TLN2: variants seen among roughly 807,000 people sequenced by gnomAD.
TLN2 encodes the protein talin 2, also known as talin-2.
Under a neutral mutation model 294.7 loss-of-function variants are expected in TLN2, and 118 were observed. The ratio of observed to expected loss-of-function variants is 0.40; its 90% CI spans 0.34 to 0.47. The LOEUF is 0.47. Among genes scored for constraint, TLN2 ranks in the 20% least tolerant of loss-of-function variants. The pLI is 0.84. For synonymous variants in TLN2, 1,431 were observed against 1,304.5 expected, an observed-to-expected ratio of 1.10 and a Z score of -2.09; for missense variants, 3,083 against 3,282.2, an observed-to-expected ratio of 0.94 and a Z score of 1.48.
intron 2 of TLN2, among the ~76,000 whole-genome samples, chr15:62,614,173 AAAC>A (rs2048132727): frequency 1.3e-5 from 2 of 152,190 alleles, no homozygotes; most frequent in African/African-American, 4.8e-5. Context: ...ACTGTACAAA[AAAC>A]CAATAGGTTT....
intron 44 of TLN2, among the ~76,000 whole-genome samples, chr15:62,781,927 A>C (rs1474270115): frequency 6.6e-6 from 1 of 152,238 alleles, no homozygotes; most frequent in Non-Finnish European, 1.5e-5. Flanking sequence ...ATGCTATCTG[A>C]TATGTTAAGC....
At chr15:62,500,725 G>T (rs1233497087) in intron 1 of TLN2, among the ~76,000 whole-genome samples, 1 of 152,214 alleles carries the variant, frequency 6.6e-6, no homozygotes, top group Non-Finnish European at 1.5e-5. Flanking sequence ...CTTGGAGTTG[G>T]GCACAATGTG....
chr15:62,560,637 T>A (rs192031969), intron 1 of TLN2, among the ~76,000 whole-genome samples: 25 of 152,288 alleles, frequency 1.6e-4, no homozygotes, highest in Admixed American at 9.1e-4. Context: ...ATACCCCATG[T>A]TTTGATGTGA....
At chr15:62,770,887 G>A (rs2063312116) in intron 41 of TLN2, 77 bp from the exon 42 acceptor site, 22 of 1,521,502 alleles carry the variant, frequency 1.4e-5, no homozygotes, top group Admixed American at 5.9e-5. Flanking sequence ...CCCCTCCCGC[G>A]CCTGACTGTG....
At position 62,529,989 on chromosome 15, in the gene TLN2, C is replaced by T. The variant is rs190955429; in HGVS notation, c.-237-59698C>T. On this transcript the variant is annotated intron_variant, in intron 1 of 58. Transcript: ENST00000636159. Reference sequence around the variant, plus strand: ...GGCGGATCACCTGAGGTCAGGAGTTCGAGACCAGCCTGACCAACTGGTGAA... The same window carrying T: ...GGCGGATCACCTGAGGTCAGGAGTTTGAGACCAGCCTGACCAACTGGTGAA... Among the ~76,000 whole-genome samples the T allele has an allele frequency of 1.0e-3, 157 of 152,188 alleles. 1 individual carries two copies. The highest frequency in any genetic ancestry group is 1.4e-3 in the Non-Finnish European group (97 of 68,016).
chr15:62,612,259 G>C (rs2047980017), intron 2 of TLN2, among the ~76,000 whole-genome samples: 1 of 152,144 alleles, frequency 6.6e-6, no homozygotes, highest in Non-Finnish European at 1.5e-5. Context: ...TGCTGGGGAG[G>C]TGCCGATTAT....
intron 3 of TLN2, among the ~76,000 whole-genome samples, chr15:62,642,859 G>A (rs888485053): frequency 1.4e-4 from 21 of 151,842 alleles, no homozygotes; most frequent in Middle Eastern, 3.2e-3. Flanking sequence ...CCACCACCAC[G>A]CCCAGCTAAT....
intron 2 of TLN2, among the ~76,000 whole-genome samples, chr15:62,596,536 G>A (rs373163093): frequency 2.0e-5 from 3 of 152,040 alleles, no homozygotes; most frequent in East Asian, 1.9e-4. Context: ...TCAGGAGTTC[G>A]AGACCAGCCT....
intron 39 of TLN2, among the ~76,000 whole-genome samples, chr15:62,762,942 G>A (rs1230505997): frequency 2.6e-5 from 4 of 152,196 alleles, no homozygotes; most frequent in South Asian, 2.1e-4. Flanking sequence ...TGACCTTGTC[G>A]ATAGTGGGAG....
chr15:62,825,833 TATAATATATATAA>T (rs2068101810), intron 54 of TLN2, among the ~76,000 whole-genome samples: 1 of 7,616 alleles, frequency 1.3e-4, no homozygotes, highest in African/African-American at 1.7e-4. Context: ...TATTATAATA[TATAATATATATAA>T]ATATATTATA....
intron 1 of TLN2, among the ~76,000 whole-genome samples, chr15:62,542,873 C>G (rs958674049): frequency 6.6e-6 from 1 of 151,864 alleles, no homozygotes; most frequent in Non-Finnish European, 1.5e-5. Flanking sequence ...CAACTTTGAC[C>G]CAGGATTACA....
intron 3 of TLN2, chr15:62,644,682 C>T: frequency 2.3e-6 from 1 of 431,096 alleles, no homozygotes; most frequent in Non-Finnish European, 4.6e-6. Context: ...TGCAGGGCTC[C>T]CTCCTTTGAT....
In TLN2 at chr15:62,686,703, G is replaced by T; in HGVS notation, c.1020G>T (p.Val340=). 6.2e-7 allele frequency: 1 copy of T among 1,614,070 alleles called. No homozygotes were observed. Among genetic ancestry groups the T allele is most frequent in the South Asian group, 1.1e-5 (1 of 91,066 alleles). The change falls in exon 12 of 59, where the codon GTG becomes GTT. Residue 340 remains valine (V), a synonymous_variant. Transcript: ENST00000636159. ...TGCTGGGGATCACCAAAGACTCGGT[G>T]ATGCGCGTGGATGAGAAGACCAAGG... ...PRLLGITKDS[V]MRVDEKTKEV... is the part of the protein sequence containing the mutation.
chr15:62,620,411 C>T (rs2048693384), intron 3 of TLN2, among the ~76,000 whole-genome samples: 1 of 152,100 alleles, frequency 6.6e-6, no homozygotes, highest in African/African-American at 2.4e-5. Context: ...AATGGCCTGC[C>T]TACTGCTTTT....
At position 62,582,239 on chromosome 15, in the gene TLN2, CA is replaced by C. The variant is rs1567138830; in HGVS notation, c.-237-7447del. Among the ~76,000 whole-genome samples, 364 of 147,526 alleles carry C rather than the reference CA, an allele frequency of 2.5e-3. 9 individuals carry two copies. The highest frequency in any genetic ancestry group is 7.8e-3 in the African/African-American group (311 of 39,948). ...ACACACACACACACACACACACACA[CA>C]CACACACATTCATGCCTGACCCATT... On this transcript the variant is annotated intron_variant, in intron 1 of 58. Coordinates refer to ENST00000636159, the MANE Select transcript of TLN2 (RefSeq NM_015059.3).
At chr15:62,562,949 CA>C (rs2043092883) in intron 1 of TLN2, among the ~76,000 whole-genome samples, 2 of 146,110 alleles carry the variant, frequency 1.4e-5, no homozygotes, top group African/African-American at 5.0e-5. Flanking sequence ...CACACACACA[CA>C]CACACACACA....
At position 62,536,316 on chromosome 15, in the gene TLN2, A is replaced by G. The variant is rs142626857; in HGVS notation, c.-237-53371A>G. Among the ~76,000 whole-genome samples, 377 of 152,268 alleles carry G rather than the reference A, an allele frequency of 2.5e-3. 4 individuals are homozygous for G. Among genetic ancestry groups the G allele is most frequent in the African/African-American group, 8.6e-3 (358 of 41,564 alleles). On this transcript the variant is annotated intron_variant, in intron 1 of 58. Transcript: ENST00000636159. ...GAGAAGGATTCTCTAGGATTCTCCC[A>G]AGGCACTCACTTCCAGGTTAGAGGT...
In TLN2 at chr15:62,689,877, T is replaced by TTA. The variant is rs71131119; in HGVS notation, c.1114-2963_1114-2962insTA. 3.9e-3 allele frequency among the ~76,000 whole-genome samples: 38 copies of TTA among 9,842 alleles called. 10 individuals are homozygous for TTA. Among genetic ancestry groups the TTA allele is most frequent in the South Asian group, 8.3e-3 (1 of 120 alleles). The allele number at this position is 9,842 out of a possible 152,430, so 6.5% of individuals were successfully genotyped here. Reference sequence around the variant, plus strand: ...TTTTTTTTTTTTTTTTTTTTTTTTTTATTGGCTGACCCCCCTTCCTCCCTC... The same window carrying TTA: ...TTTTTTTTTTTTTTTTTTTTTTTTTTTAATTGGCTGACCCCCCTTCCTCCCTC... On this transcript the variant is annotated intron_variant, in intron 12 of 58. Coordinates refer to ENST00000636159, the MANE Select transcript of TLN2 (RefSeq NM_015059.3).
intron 1 of TLN2, among the ~76,000 whole-genome samples, chr15:62,421,736 A>G (rs370353041): frequency 1.3e-5 from 2 of 152,226 alleles, no homozygotes; most frequent in East Asian, 3.9e-4. Context: ...TGCTGCGGTT[A>G]TGAAATAGTC....
Sources: allele counts gnomAD v4.1 joint callset (sites outside exome capture counted in the v4.1 genomes callset), GRCh38; gene constraint gnomAD v4.1.1; transcripts MANE v1.5; gene names NCBI Gene and HGNC (gene_info 2026-07-23, HGNC 2026-07-21).